Variants in GSTO2 observed in about 807,000 individuals in gnomAD.
GSTO2 encodes the protein glutathione S-transferase omega 2, also known as glutathione S-transferase omega-2.
In GSTO2, 23 loss-of-function variants were observed where a neutral mutation model predicts 28.4. The ratio of observed to expected loss-of-function variants is 0.81; its 90% CI spans 0.58 to 1.15. The LOEUF (loss-of-function observed/expected upper bound fraction) is 1.15. Ranked by LOEUF, GSTO2 falls within the 50% of genes most tolerant of loss-of-function variation. The pLI is 0.00. For missense variants in GSTO2, 298 were observed against 297.8 expected (o/e 1.00, Z 0.00); for synonymous variants, 109 against 111.0 (o/e 0.98, Z 0.11).
At position 104,301,980 on chromosome 10, in the gene GSTO2, AT is replaced by A. The variant is rs2013271891; in HGVS notation, c.*2699del. The A allele has an allele frequency of 6.6e-6, 1 of 152,282 alleles. No homozygotes were observed. The highest frequency in any genetic ancestry group is 6.5e-5 in the Admixed American group (1 of 15,284). The allele number at this position is 152,282 out of a possible 1,614,324, so 9.4% of individuals were successfully genotyped here. On this transcript the variant is annotated 3_prime_UTR_variant, in exon 7 of 7. Transcript: ENST00000338595. ...ATAAAGAACTGCCCAAGACTGAGTA[AT>A]TTATAAAGGAAAGAGGTTTAATTGA...
intron 5 of GSTO2, chr10:104,296,449 C>G (rs1448331028): frequency 6.6e-6 from 1 of 151,692 alleles, no homozygotes; most frequent in Non-Finnish European, 1.5e-5. Context: ...GGCAAGACCC[C>G]AAGACCCCAT....
At chr10:104,294,163 C>T (rs566647879) in intron 5 of GSTO2, among the ~76,000 whole-genome samples, 28 of 152,158 alleles carry the variant, frequency 1.8e-4, no homozygotes, top group Admixed American at 1.0e-3. Flanking sequence ...TTCCAACTTG[C>T]GTTTTCCCTG....
At chr10:104,293,801 T>C (rs149636292) in intron 5 of GSTO2, among the ~76,000 whole-genome samples, 1,741 of 152,112 alleles carry the variant, frequency 0.011, 35 homozygotes, top group African/African-American at 0.039. Flanking sequence ...TCAAACTCCT[T>C]GGCTCAAGCA....
chr10:104,280,777 T>C (rs1293237937), intron 5 of GSTO2, among the ~76,000 whole-genome samples: 7 of 152,220 alleles, frequency 4.6e-5, no homozygotes, highest in African/African-American at 1.7e-4. Flanking sequence ...GAATACAATT[T>C]TTTTCCCCTT....
chr10:104,275,650 T>A (rs1355816464), intron 3 of GSTO2, among the ~76,000 whole-genome samples: 1 of 152,186 alleles, frequency 6.6e-6, no homozygotes, highest in South Asian at 2.1e-4. Context: ...CTTACCTGAC[T>A]GCTCCACAGA....
chr10:104,272,587 C>CTTTTTTTTTTTTTTTTT lies in GSTO2; in HGVS notation c.-231-2070_-231-2054dup, dbSNP rs768279768. Among the ~76,000 whole-genome samples, 25 of 49,306 alleles carry CTTTTTTTTTTTTTTTTT rather than the reference C, an allele frequency of 5.1e-4. 9 individuals carry two copies. In the East Asian group the frequency reaches 5.3e-3, roughly 11 times the overall value. The allele number at this position is 49,306 out of a possible 152,430, so 32.3% of individuals were successfully genotyped here. ...GAATCAAAATAGAACAGTTATGGGA[C>CTTTTTTTTTTTTTTTTT]TTTTTTTTTTTTTTTTTTTTTTTTT... On this transcript the variant is annotated intron_variant, in intron 1 of 6. Transcript: ENST00000338595.
intron 5 of GSTO2, among the ~76,000 whole-genome samples, chr10:104,281,204 T>G (rs933447571): frequency 6.6e-6 from 1 of 152,232 alleles, no homozygotes; most frequent in African/African-American, 2.4e-5. Context: ...AGGTCAGCAC[T>G]GCCTTCAACC....
rs1220453106 is a variant in GSTO2, at chr10:104,302,149, T to A, written c.*2865T>A. On this transcript the variant is annotated 3_prime_UTR_variant, in exon 7 of 7. Coordinates refer to ENST00000338595, the MANE Select transcript of GSTO2 (RefSeq NM_183239.2). ...AAAAACTCCTTATAAAACCATTAGA[T>A]CTCATGAGAACTCACTCACTGTCAT... 1 of 152,020 alleles carries A rather than the reference T, an allele frequency of 6.6e-6. No individual in the cohort carries two copies. The highest frequency in any genetic ancestry group is 1.5e-5 in the Non-Finnish European group (1 of 68,012). The allele number at this position is 152,020 out of a possible 1,614,324, so 9.4% of individuals were successfully genotyped here.
At chr10:104,286,661 G>A (rs1346807888) in intron 5 of GSTO2, among the ~76,000 whole-genome samples, 2 of 152,112 alleles carry the variant, frequency 1.3e-5, no homozygotes, top group Non-Finnish European at 2.9e-5. Context: ...CCTGACTCAG[G>A]ATGCCTCGTT....
intron 5 of GSTO2, among the ~76,000 whole-genome samples, chr10:104,294,378 G>A (rs17116822): frequency 0.038 from 5,751 of 152,202 alleles, 396 homozygotes; most frequent in African/African-American, 0.13. Context: ...AAGGTTCCAG[G>A]TTTGCACAGA....
intron 5 of GSTO2, among the ~76,000 whole-genome samples, chr10:104,283,843 T>C (rs2012233867): frequency 6.6e-6 from 1 of 152,168 alleles, no homozygotes; most frequent in Non-Finnish European, 1.5e-5. Context: ...TCAGGATTTT[T>C]TGTGAGCTAA....
rs1174956033 is a variant in GSTO2, at chr10:104,302,081, C to T, written c.*2797C>T. The T allele has an allele frequency of 2.0e-5, 3 of 152,440 alleles. No homozygotes were observed. Among genetic ancestry groups the T allele is most frequent in the Admixed American group, 1.3e-4 (2 of 15,278 alleles). 9.4% of individuals were successfully genotyped at this position (152,440 alleles called of 1,614,324 possible). A position where few individuals can be genotyped will look rare whatever the true frequency, so the allele number is the denominator to read the frequency against. ...TGGAAGGGGAAGCAAACATGTCCTT[C>T]TGCACAAGGTGGCAGAAGAGAGAAG... On this transcript the variant is annotated 3_prime_UTR_variant, in exon 7 of 7. Transcript: ENST00000338595.
chr10:104,281,771 G>A (rs2012059572), intron 5 of GSTO2, among the ~76,000 whole-genome samples: 1 of 152,148 alleles, frequency 6.6e-6, no homozygotes, highest in Admixed American at 6.5e-5. Context: ...GGGGCTCAAA[G>A]CCTGGACAGG....
intron 3 of GSTO2, 92 bp from the exon 4 acceptor site, chr10:104,277,802 T>C: frequency 1.2e-6 from 1 of 832,570 alleles, no homozygotes; most frequent in Non-Finnish European, 2.0e-6. Flanking sequence ...AAATTTTAAC[T>C]TTTAAACTGA....
chr10:104,283,882 G>A lies in GSTO2; in HGVS notation c.468+4411G>A, dbSNP rs189075056. Among the ~76,000 whole-genome samples the A allele has an allele frequency of 1.8e-3, 273 of 152,286 alleles. 2 individuals carry two copies. In the Middle Eastern group the frequency reaches 0.024, roughly 13 times the overall value. On this transcript the variant is annotated intron_variant, in intron 5 of 6. Coordinates refer to ENST00000338595, the MANE Select transcript of GSTO2 (RefSeq NM_183239.2). ...TATATTAAATACTCATTGTCTTTCT[G>A]AGTGATAAGCAAGCCAAGATTTCAT...
At position 104,303,631 on chromosome 10, in the gene GSTO2, G is replaced by A. The variant is rs2013323996; in HGVS notation, c.*4347G>A. ...GCCAGCTATGTGGTAGAAAAGAAGA[G>A]CCCGTTTTCAGGGAAGGAATTCAAG... On this transcript the variant is annotated 3_prime_UTR_variant, in exon 7 of 7. Coordinates refer to ENST00000338595, the MANE Select transcript of GSTO2 (RefSeq NM_183239.2). 2 of 152,200 alleles carry A rather than the reference G, an allele frequency of 1.3e-5. No individual in the cohort carries two copies. The highest frequency in any genetic ancestry group is 1.3e-4 in the Admixed American group (2 of 15,274). The allele number at this position is 152,200 out of a possible 1,614,324, so 9.4% of individuals were successfully genotyped here.
At chr10:104,290,853 AT>A (rs2012731357) in intron 5 of GSTO2, among the ~76,000 whole-genome samples, 2 of 152,328 alleles carry the variant, frequency 1.3e-5, no homozygotes, top group Non-Finnish European at 1.5e-5. Flanking sequence ...ACTATAGTAA[AT>A]AATAACTTAA....
rs1046226137 is a variant in GSTO2 at position 104,303,232 on chromosome 10, A to G, written c.*3948A>G. 2 of 152,188 alleles carry G rather than the reference A, an allele frequency of 1.3e-5. No homozygotes were observed. Among genetic ancestry groups the G allele is most frequent in the Non-Finnish European group, 2.9e-5 (2 of 68,024 alleles). The allele number at this position is 152,188 out of a possible 1,614,324, so 9.4% of individuals were successfully genotyped here. A position where few individuals can be genotyped will look rare whatever the true frequency, so the allele number is the denominator to read the frequency against. ...TTGTAAACCTGTTTTCTTTAGGGAA[A>G]GTTTAGAATTTTCTAGAGACTGGTT... is the stretch of plus-strand genomic sequence containing the variant. On this transcript the variant is annotated 3_prime_UTR_variant, in exon 7 of 7. Transcript: ENST00000338595.
chr10:104,270,349 A>G (rs73333284), intron 1 of GSTO2, among the ~76,000 whole-genome samples: 4,547 of 151,134 alleles, frequency 0.03, 254 homozygotes, highest in African/African-American at 0.11. Context: ...TATTCGTGGG[A>G]TTTAACAGGA....
Sources: allele counts gnomAD v4.1 joint callset (sites outside exome capture counted in the v4.1 genomes callset), GRCh38; gene constraint gnomAD v4.1.1; transcripts MANE v1.5; gene names NCBI Gene and HGNC (gene_info 2026-07-23, HGNC 2026-07-21).